Variants in DDI2 observed in about 807,000 individuals in gnomAD.
DDI2 encodes the protein DDI proteasomal shuttling factor 2.
Under a neutral mutation model 48.1 loss-of-function variants are expected in DDI2, and 5 were observed. The observed-to-expected ratio is 0.10, with a 90% CI of 0.05 to 0.22. The LOEUF (loss-of-function observed/expected upper bound fraction) is 0.22. Among genes scored for constraint, DDI2 ranks in the 10% least tolerant of loss-of-function variants. The pLI is 1.00. For synonymous variants in DDI2, 205 were observed against 183.6 expected (o/e 1.12, Z -0.94); for missense variants, 285 against 506.2 (o/e 0.56, Z 4.19).
chr1:15,652,058 CTT>C (rs772990709), intron 8 of DDI2, among the ~76,000 whole-genome samples, 163 bp downstream of exon 8: 18 of 75,976 alleles, frequency 2.4e-4, no homozygotes, highest in Non-Finnish European at 3.4e-4. Context: ...TTTGATCTTC[CTT>C]TTTTTTTTTT....
rs1297750491 is a variant in DDI2 at position 15,660,025 on chromosome 1, G to C, written c.*235G>C. On this transcript the variant is annotated 3_prime_UTR_variant, in exon 10 of 10. Coordinates refer to ENST00000480945, the MANE Select transcript of DDI2 (RefSeq NM_032341.5). ...CTCAGATCGCATTGAACCTAAAGCTGTGAAGGCTTTGAAGGCTTCAGCTGA... is the reference window on the plus strand; with the variant it reads ...CTCAGATCGCATTGAACCTAAAGCTCTGAAGGCTTTGAAGGCTTCAGCTGA... The C allele has an allele frequency of 6.2e-7, 1 of 1,614,166 alleles. No individual in the cohort carries two copies. The highest frequency in any genetic ancestry group is 8.5e-7 in the Non-Finnish European group (1 of 1,180,032).
intron 7 of DDI2, among the ~76,000 whole-genome samples, 174 bp downstream of exon 7, chr1:15,649,997 A>T (rs1028586168): frequency 6.6e-6 from 1 of 152,230 alleles, no homozygotes; most frequent in African/African-American, 2.4e-5. Context: ...GTCGATATAG[A>T]TAGAATCTGT....
intron 8 of DDI2, 121 bp from the exon 9 acceptor site, chr1:15,656,496 A>G (rs1216928037): frequency 3.8e-6 from 6 of 1,594,008 alleles, no homozygotes; most frequent in Non-Finnish European, 5.1e-6. Context: ...AACATCCCTC[A>G]ACTTGGAATC....
chr1:15,636,096 G>A (rs542741867), intron 4 of DDI2, among the ~76,000 whole-genome samples: 15 of 152,254 alleles, frequency 9.9e-5, no homozygotes, highest in African/African-American at 3.4e-4. Flanking sequence ...TGATTATTAT[G>A]AAAAGAACAG....
intron 3 of DDI2, among the ~76,000 whole-genome samples, chr1:15,633,207 G>A (rs1041916878): frequency 1.3e-5 from 2 of 152,034 alleles, no homozygotes; most frequent in African/African-American, 2.4e-5. Flanking sequence ...GAGATTATAG[G>A]CATGAGCTAC....
In DDI2 at chr1:15,668,433, A is replaced by G. The variant is rs1387374535; in HGVS notation, c.*8643A>G. The G allele has an allele frequency of 2.0e-5, 3 of 152,200 alleles. No individual in the cohort carries two copies. Among genetic ancestry groups the G allele is most frequent in the South Asian group, 2.1e-4 (1 of 4,832 alleles). The allele number at this position is 152,200 out of a possible 1,614,324, so 9.4% of individuals were successfully genotyped here. ...CTAGTGATAAACTCAGAGAAATTCAATATATTGATTGAATTTTATTTTTTC... is the reference window on the plus strand; with the variant it reads ...CTAGTGATAAACTCAGAGAAATTCAGTATATTGATTGAATTTTATTTTTTC... On this transcript the variant is annotated 3_prime_UTR_variant, in exon 10 of 10. Coordinates refer to ENST00000480945, the MANE Select transcript of DDI2 (RefSeq NM_032341.5).
chr1:15,645,939 T>G (rs1640084040), intron 6 of DDI2, among the ~76,000 whole-genome samples: 1 of 151,284 alleles, frequency 6.6e-6, no homozygotes, highest in Non-Finnish European at 1.5e-5. Context: ...CAGCCATGGC[T>G]CTTGTGGCCT....
In DDI2 at chr1:15,617,605, G is replaced by T; in HGVS notation, c.-66G>T. 2 of 1,253,838 alleles carry T rather than the reference G, an allele frequency of 1.6e-6. No homozygotes were observed. The highest frequency in any genetic ancestry group is 1.0e-6 in the Non-Finnish European group (1 of 991,132). The allele number at this position is 1,253,838 out of a possible 1,614,324, so 77.7% of individuals were successfully genotyped here. Reference sequence around the variant, plus strand: ...GCAGCACCAGCCAGGCCACGCCGCCGCCTCTTCCCCTGCGCCCCGCGCCCA... The same window carrying T: ...GCAGCACCAGCCAGGCCACGCCGCCTCCTCTTCCCCTGCGCCCCGCGCCCA... On this transcript the variant is annotated 5_prime_UTR_variant, in exon 1 of 10. Transcript: ENST00000480945.
At chr1:15,635,145 CT>C (rs1172440922) in intron 4 of DDI2, among the ~76,000 whole-genome samples, 1 of 151,646 alleles carries the variant, frequency 6.6e-6, no homozygotes, top group Non-Finnish European at 1.5e-5. Context: ...AGGAAGATCA[CT>C]TGAGCCCAGT....
intron 6 of DDI2, among the ~76,000 whole-genome samples, chr1:15,648,873 G>A (rs1211808431): frequency 6.6e-6 from 1 of 150,396 alleles, no homozygotes; most frequent in Non-Finnish European, 1.5e-5. Context: ...ACCTAGATGT[G>A]GAAAGGAAAA....
intron 2 of DDI2, among the ~76,000 whole-genome samples, chr1:15,629,800 C>T (rs557899301): frequency 6.7e-6 from 1 of 150,136 alleles, no homozygotes; most frequent in Non-Finnish European, 1.5e-5. Context: ...GGCGCCATCT[C>T]GGCTCACTGC....
At chr1:15,654,760 G>A (rs1640246228) in intron 8 of DDI2, among the ~76,000 whole-genome samples, 1 of 152,070 alleles carries the variant, frequency 6.6e-6, no homozygotes, top group African/African-American at 2.4e-5. Context: ...TGTAGGAAGG[G>A]AGGAATTTTG....
At chr1:15,648,109 C>G (rs188677683) in intron 6 of DDI2, among the ~76,000 whole-genome samples, 7 of 152,138 alleles carry the variant, frequency 4.6e-5, no homozygotes, top group Admixed American at 2.0e-4. Context: ...TTGTGTTTCT[C>G]TTATTGATTT....
At chr1:15,652,439 G>A (rs1335294035) in intron 8 of DDI2, among the ~76,000 whole-genome samples, 1 of 77,964 alleles carries the variant, frequency 1.3e-5, no homozygotes, top group Non-Finnish European at 2.9e-5. Flanking sequence ...AGCACTTTGG[G>A]AGGCTCCGGA....
At chr1:15,634,375 A>C (rs1468557217) in intron 4 of DDI2, 1 of 152,662 alleles carries the variant, frequency 6.6e-6, no homozygotes, top group Non-Finnish European at 1.5e-5. Context: ...ATAACTAAGA[A>C]GAAGATAACA....
chr1:15,635,636 C>A (rs1570974834), intron 4 of DDI2, among the ~76,000 whole-genome samples: 1 of 152,170 alleles, frequency 6.6e-6, no homozygotes, highest in Non-Finnish European at 1.5e-5. Context: ...AACTCCTGAC[C>A]TCAGGTGATC....
chr1:15,656,697 G>T lies in DDI2; in HGVS notation c.*46+18G>T. ...CAGACCAGGTATTTATAGACACCAT[G>T]TTAAGCCTTCCATCCAGTTGTCATC... On this transcript the variant is annotated intron_variant, in intron 9 of 9. Transcript: ENST00000480945. 2 of 1,613,828 alleles carry T rather than the reference G, an allele frequency of 1.2e-6. No individual in the cohort carries two copies. Among genetic ancestry groups the T allele is most frequent in the Non-Finnish European group, 1.7e-6 (2 of 1,179,858 alleles).
intron 5 of DDI2, among the ~76,000 whole-genome samples, chr1:15,641,049 C>T (rs944233359): frequency 1.3e-5 from 2 of 152,142 alleles, no homozygotes; most frequent in Admixed American, 1.3e-4. Flanking sequence ...GAATGTACGG[C>T]TGGAAAGAAA....
At chr1:15,639,025 C>T (rs1639968037) in intron 5 of DDI2, among the ~76,000 whole-genome samples, 1 of 152,146 alleles carries the variant, frequency 6.6e-6, no homozygotes, top group African/African-American at 2.4e-5. Context: ...ATAAAAGGAG[C>T]TGTGTAGAGT....
Sources: gnomAD v4.1 joint callset for allele counts (sites outside exome capture counted in the v4.1 genomes callset) on GRCh38, gnomAD v4.1.1 for gene constraint, MANE v1.5 for transcripts, NCBI Gene and HGNC (gene_info 2026-07-23, HGNC 2026-07-21) for gene names.